The following ATXN2L variants were observed in gnomAD, a reference collection of about 807,000 sequenced individuals.
ATXN2L encodes ataxin 2 like.
A neutral mutation model predicts 120.7 loss-of-function variants in ATXN2L; 24 were observed. The ratio of observed to expected loss-of-function variants is 0.20; its 90% CI spans 0.14 to 0.28. The LOEUF is 0.28. Among genes scored for constraint, ATXN2L ranks in the 10% least tolerant of loss-of-function variants. The probability of loss-of-function intolerance (pLI) is 1.00; values close to 1 mark genes in which losing one functional copy is unlikely to be tolerated. For synonymous variants in ATXN2L, 653 were observed against 568.1 expected, an observed-to-expected ratio of 1.15 and a Z score of -2.13; for missense variants, 1,312 against 1,432.3, an observed-to-expected ratio of 0.92 and a Z score of 1.36.
chr16:28,827,389 C>G (rs568395831), intron 6 of ATXN2L, among the ~76,000 whole-genome samples: 11 of 151,690 alleles, frequency 7.3e-5, no homozygotes, highest in African/African-American at 2.7e-4. Flanking sequence ...GAGCTGTGAT[C>G]ATACCACTGC....
chr16:28,830,539 T>G, intron 8 of ATXN2L, 76 bp from the exon 9 acceptor site: 1 of 1,409,936 alleles, frequency 7.1e-7, no homozygotes, highest in Non-Finnish European at 9.6e-7. Flanking sequence ...GGGGAGACTT[T>G]AGAAGAAGAA....
At position 28,835,505 on chromosome 16, in the gene ATXN2L, G is replaced by A. The variant is rs368343507; in HGVS notation, c.2686-44G>A. On this transcript the variant is annotated intron_variant, in intron 20 of 21. Coordinates refer to ENST00000336783, the MANE Select transcript of ATXN2L (RefSeq NM_007245.4). ...TGAGTGGCGAGGACTGGGGGCCAGC[G>A]AGTTGCTGGCCTGTGTGGCACTCAA... 97 of 1,609,760 alleles carry A rather than the reference G, an allele frequency of 6.0e-5. 2 individuals carry two copies. The African/African-American group carries it at 1.1e-3, about 18-fold the overall frequency.
At position 28,835,955 on chromosome 16, in the gene ATXN2L, C is replaced by T; in HGVS notation, c.2918C>T (p.Thr973Ile). The change falls in exon 22 of 22, where the codon ACA (threonine) becomes ATA (isoleucine). Residue 973 changes from threonine to isoleucine, a missense_variant. Physicochemically the swap from Thr to Ile is moderately conservative, Grantham distance 89. Coordinates refer to ENST00000336783, the MANE Select transcript of ATXN2L (RefSeq NM_007245.4). ...VTQAHVQTGITAAPPPHPGAP... is the reference protein window; with the variant it reads ...VTQAHVQTGIIAAPPPHPGAP... Reference sequence around the variant, plus strand: ...CAGGCCCATGTCCAAACTGGAATCACAGCAGCCCCGCCCCCTCACCCTGGG... The same window carrying T: ...CAGGCCCATGTCCAAACTGGAATCATAGCAGCCCCGCCCCCTCACCCTGGG... The T allele has an allele frequency of 6.5e-7, 1 of 1,541,326 alleles. No homozygotes were observed. Among genetic ancestry groups the T allele is most frequent in the South Asian group, 1.3e-5 (1 of 79,538 alleles).
chr16:28,832,636 AG>A, intron 12 of ATXN2L, 69 bp downstream of exon 12: 1 of 1,547,584 alleles, frequency 6.5e-7, no homozygotes, highest in Non-Finnish European at 8.9e-7. Flanking sequence ...TCAGTTAGGA[AG>A]TTTGTTGGAA....
chr16:28,832,436 T>G, intron 11 of ATXN2L, 37 bp downstream of exon 11: 1 of 1,611,980 alleles, frequency 6.2e-7, no homozygotes, highest in Non-Finnish European at 8.5e-7. Context: ...GAATGCATAT[T>G]TAGTGTGATT....
In ATXN2L at chr16:28,825,325, G is replaced by A. The variant is rs747845565; in HGVS notation, c.300-41G>A. The A allele has an allele frequency of 3.8e-6, 6 of 1,595,604 alleles. No individual in the cohort carries two copies. In the African/African-American group the frequency reaches 4.0e-5, roughly 11 times the overall value. ...CATTAATTTCATAGTGGTCTAAGAGGGCTTGAACAGACTTAAGTAATTTCT... is the reference window on the plus strand; with the variant it reads ...CATTAATTTCATAGTGGTCTAAGAGAGCTTGAACAGACTTAAGTAATTTCT... On this transcript the variant is annotated intron_variant, in intron 1 of 21. Transcript: ENST00000336783.
chr16:28,831,119 A>G (rs2054239636), intron 10 of ATXN2L, 47 bp downstream of exon 10: 1 of 1,279,746 alleles, frequency 7.8e-7, no homozygotes, highest in Non-Finnish European at 1.1e-6. Context: ...GAAATTTGTA[A>G]AGAGATGTAA....
chr16:28,823,705 C>T lies in ATXN2L; in HGVS notation c.299+147C>T, dbSNP rs1303724197. 2.2e-5 allele frequency: 19 copies of T among 849,164 alleles called. No homozygotes were observed. In the East Asian group the frequency reaches 3.1e-4, roughly 14 times the overall value. The allele number at this position is 849,164 out of a possible 1,614,324, so 52.6% of individuals were successfully genotyped here. On this transcript the variant is annotated intron_variant, in intron 1 of 21. Coordinates refer to ENST00000336783, the MANE Select transcript of ATXN2L (RefSeq NM_007245.4). ...AAGCTGGGGGAGGGCCCCCTCAGGTCCGAACAGGTCGGACGGAAAGGGTCC... is the reference window on the plus strand; with the variant it reads ...AAGCTGGGGGAGGGCCCCCTCAGGTTCGAACAGGTCGGACGGAAAGGGTCC...
chr16:28,825,517 C>T, intron 2 of ATXN2L, 107 bp from the exon 3 acceptor site: 2 of 1,531,714 alleles, frequency 1.3e-6, no homozygotes, highest in Non-Finnish European at 1.8e-6. Flanking sequence ...GGGCTGTGGG[C>T]CCGGCACACA....
At position 28,836,878 on chromosome 16, in the gene ATXN2L, C is replaced by A; in HGVS notation, c.*613C>A. The stretch of plus-strand genomic sequence containing the variant: ...GGACCACTCCCAGCCCCCCATCCCC[C>A]CGTTCCCCAGGGGAGCTGGGGAATT... On this transcript the variant is annotated 3_prime_UTR_variant, in exon 22 of 22. Coordinates refer to ENST00000336783, the MANE Select transcript of ATXN2L (RefSeq NM_007245.4). 2 of 1,295,886 alleles carry A rather than the reference C, an allele frequency of 1.5e-6. No homozygotes were observed. The highest frequency in any genetic ancestry group is 2.3e-5 in the East Asian group (1 of 42,554). The allele number at this position is 1,295,886 out of a possible 1,614,324, so 80.3% of individuals were successfully genotyped here.
chr16:28,823,993 T>C, intron 1 of ATXN2L: 2 of 575,416 alleles, frequency 3.5e-6, no homozygotes, highest in Non-Finnish European at 4.4e-6. Context: ...CGGCCCACAG[T>C]TTGGCCAATG....
At position 28,835,368 on chromosome 16, in the gene ATXN2L, A is replaced by G. The variant is rs770039334; in HGVS notation, c.2654A>G (p.Gln885Arg). ...ACCACGCCTACTGGAAGCCAGCCGC[A>G]GTCCCAGCATGCGGCCCCCAGTCCT... is the stretch of plus-strand genomic sequence containing the variant. ...PATTPTGSQPQSQHAAPSPVQ... is the reference protein window; with the variant it reads ...PATTPTGSQPRSQHAAPSPVQ... The change falls in exon 20 of 22, where the codon CAG (glutamine) becomes CGG (arginine). Residue 885 changes from glutamine (Q) to arginine (R), a missense_variant. By Grantham distance (43) the Gln-to-Arg change is conservative (BLOSUM62 1). Transcript: ENST00000336783. The G allele has an allele frequency of 6.2e-7, 1 of 1,613,254 alleles. No individual in the cohort carries two copies. Among genetic ancestry groups the G allele is most frequent in the South Asian group, 1.1e-5 (1 of 91,082 alleles).
At chr16:28,824,175 A>T (rs569527513) in intron 1 of ATXN2L, 12 of 1,036,230 alleles carry the variant, frequency 1.2e-5, no homozygotes, top group Non-Finnish European at 1.4e-5. Context: ...GCTCGGTCTC[A>T]TGACCCGGGC....
At chr16:28,826,508 G>T in intron 5 of ATXN2L, 118 bp downstream of exon 5, 1 of 1,271,964 alleles carries the variant, frequency 7.9e-7, no homozygotes, top group Non-Finnish European at 1.1e-6. Context: ...TTGTTTGTTT[G>T]TTTTGCTTTA....
chr16:28,830,258 AT>A lies in ATXN2L; in HGVS notation c.1034+202del, dbSNP rs373206741. ...GAGCTTGTAGATCTAAAAAAAAAAA[AT>A]TCAAAATTTATGTGCTATTTCTTTT... On this transcript the variant is annotated intron_variant, in intron 8 of 21. Transcript: ENST00000336783. Among the ~76,000 whole-genome samples, 83 of 152,318 alleles carry A rather than the reference AT, an allele frequency of 5.4e-4. 2 individuals carry two copies. The East Asian group carries it at 0.014, about 26-fold the overall frequency.
intron 4 of ATXN2L, 63 bp from the exon 5 acceptor site, chr16:28,826,177 T>C: frequency 6.3e-7 from 1 of 1,585,234 alleles, no homozygotes; most frequent in Non-Finnish European, 8.6e-7. Context: ...GAAATCCAGT[T>C]CTATTTTTGC....
In ATXN2L at chr16:28,835,629, G is replaced by T. The variant is rs149475994; in HGVS notation, c.2766G>T (p.Thr922=). The part of the protein sequence containing the change: ...NLYHPGALTG[T]PPSLPPGPSA... Reference sequence around the variant, plus strand: ...ACCACCCAGGGGCCCTGACAGGCACGCCGCCCTCTCTGCCACCGGGACCTT... The same window carrying T: ...ACCACCCAGGGGCCCTGACAGGCACTCCGCCCTCTCTGCCACCGGGACCTT... The change falls in exon 21 of 22, where the codon ACG becomes ACT. Residue 922 remains threonine, a synonymous_variant. Transcript: ENST00000336783. 2 of 1,613,960 alleles carry T rather than the reference G, an allele frequency of 1.2e-6. No homozygotes were observed. The highest frequency in any genetic ancestry group is 2.2e-5 in the South Asian group (2 of 91,082).
chr16:28,832,285 G>A lies in ATXN2L; in HGVS notation c.1402G>A (p.Gly468Ser), dbSNP rs150073438. ...AGCTTCCTGTCCAGAGCCTCCCATCGGCTCGGCAGTGCCAACCTCTTCAGC... is the reference window on the plus strand; with the variant it reads ...AGCTTCCTGTCCAGAGCCTCCCATCAGCTCGGCAGTGCCAACCTCTTCAGC... Reference protein sequence around the residue: ...ISASCPEPPIGSAVPTSSASI... With the variant: ...ISASCPEPPISSAVPTSSASI... The change falls in exon 11 of 22, where the codon GGC becomes AGC. Residue 468 changes from glycine to serine, a missense_variant. Gly to Ser is a moderately conservative substitution (Grantham distance 56). Transcript: ENST00000336783. The A allele has an allele frequency of 8.7e-6, 14 of 1,614,050 alleles. No individual in the cohort carries two copies. The African/African-American group carries it at 9.3e-5, about 11-fold the overall frequency.
chr16:28,833,547 G>A (rs2055323020), intron 15 of ATXN2L, 39 bp downstream of exon 15: 1 of 1,599,324 alleles, frequency 6.3e-7, no homozygotes, highest in Non-Finnish European at 8.6e-7. Context: ...TGGTTTCTGT[G>A]GGGAGACTTG....
Sources: allele counts gnomAD v4.1 joint callset (sites outside exome capture counted in the v4.1 genomes callset), GRCh38; gene constraint gnomAD v4.1.1; transcripts MANE v1.5; gene names NCBI Gene and HGNC (gene_info 2026-07-23, HGNC 2026-07-21).